Variants in ADCY8 observed in about 807,000 individuals in gnomAD.
ADCY8 encodes the protein adenylate cyclase type 8.
ADCY8 carries 51 observed loss-of-function variants against 119.7 expected under a neutral mutation model. That is an observed-to-expected ratio of 0.43 (90% CI 0.34 to 0.54). ADCY8 has a LOEUF of 0.54. ADCY8 is among the 20% of genes least tolerant of loss of function. The pLI, the probability that ADCY8 is intolerant of heterozygous loss-of-function variation, is 0.03. For missense variants in ADCY8, 1,383 were observed against 1,598.8 expected (o/e 0.87, Z 2.30); for synonymous variants, 665 against 651.0 (o/e 1.02, Z -0.33).
intron 14 of ADCY8, among the ~76,000 whole-genome samples, chr8:130,808,464 A>G (rs1816052987): frequency 1.3e-5 from 2 of 152,252 alleles, no homozygotes; most frequent in African/African-American, 4.8e-5. Context: ...TAACGCATGT[A>G]AATGTAATGA....
intron 1 of ADCY8, among the ~76,000 whole-genome samples, chr8:131,032,039 T>C (rs1351936006): frequency 6.6e-6 from 1 of 152,224 alleles, no homozygotes; most frequent in East Asian, 1.9e-4. Flanking sequence ...TCCAGTCAAC[T>C]GAAAAATCAG....
intron 11 of ADCY8, among the ~76,000 whole-genome samples, chr8:130,837,041 C>A (rs1044320895): frequency 6.6e-6 from 1 of 152,106 alleles, no homozygotes; most frequent in Non-Finnish European, 1.5e-5. Context: ...GCTGATTCTT[C>A]TTTAATAGAT....
At chr8:130,979,505 C>T (rs558935878) in intron 2 of ADCY8, among the ~76,000 whole-genome samples, 7 of 152,192 alleles carry the variant, frequency 4.6e-5, no homozygotes, top group South Asian at 2.1e-4. Context: ...GCTAAAGGAG[C>T]GTGCCCATGT....
At chr8:130,934,270 C>T (rs184608266) in intron 5 of ADCY8, among the ~76,000 whole-genome samples, 5 of 152,244 alleles carry the variant, frequency 3.3e-5, no homozygotes, top group Admixed American at 6.5e-5. Context: ...AGTAGTTCCA[C>T]GGGCTGTACA....
chr8:130,924,014 A>T (rs555429206), intron 5 of ADCY8, among the ~76,000 whole-genome samples: 2 of 152,336 alleles, frequency 1.3e-5, no homozygotes, highest in South Asian at 4.1e-4. Flanking sequence ...GATCTCCTAA[A>T]CTATATGTTG....
chr8:130,788,976 A>G (rs1815341921), intron 15 of ADCY8, among the ~76,000 whole-genome samples: 1 of 152,168 alleles, frequency 6.6e-6, no homozygotes, highest in Non-Finnish European at 1.5e-5. Context: ...ATGCAGAGTA[A>G]CCTATTGTAA....
intron 7 of ADCY8, among the ~76,000 whole-genome samples, chr8:130,894,532 C>T (rs1819316907): frequency 6.6e-6 from 1 of 152,118 alleles, no homozygotes; most frequent in African/African-American, 2.4e-5. Context: ...ATAAAAGTCA[C>T]ACAGTGGGAA....
At chr8:130,927,676 T>C (rs1054010831) in intron 5 of ADCY8, among the ~76,000 whole-genome samples, 11 of 151,402 alleles carry the variant, frequency 7.3e-5, no homozygotes, top group Non-Finnish European at 1.6e-4. Context: ...ACTAAATTTG[T>C]TTAATTCTAA....
intron 1 of ADCY8, among the ~76,000 whole-genome samples, chr8:131,036,657 C>T (rs1824165027): frequency 6.6e-6 from 1 of 152,028 alleles, no homozygotes; most frequent in Non-Finnish European, 1.5e-5. Flanking sequence ...GAAAATGAAA[C>T]AAGTCGTTTA....
intron 7 of ADCY8, among the ~76,000 whole-genome samples, chr8:130,886,703 G>A (rs545594642): frequency 1.4e-4 from 21 of 152,240 alleles, no homozygotes; most frequent in African/African-American, 4.6e-4. Flanking sequence ...CTAACAGCTG[G>A]AGAGGAAATC....
At chr8:130,899,701 A>T (rs1350569818) in intron 7 of ADCY8, among the ~76,000 whole-genome samples, 1 of 152,236 alleles carries the variant, frequency 6.6e-6, no homozygotes, top group South Asian at 2.1e-4. Flanking sequence ...ACACTTGAGT[A>T]TCTGTTAAAT....
intron 7 of ADCY8, chr8:130,892,573 AT>A (rs377731622): frequency 1.4e-4 from 21 of 152,244 alleles, no homozygotes; most frequent in African/African-American, 5.1e-4. Flanking sequence ...CAGTTTAATC[AT>A]TTGGGGGTTT....
chr8:130,908,710 G>T (rs1819870988), intron 6 of ADCY8, among the ~76,000 whole-genome samples: 1 of 152,152 alleles, frequency 6.6e-6, no homozygotes. Flanking sequence ...ACTGGCCTGA[G>T]ATCACACAGG....
Position 130,881,395 on chromosome 8 carries a change from G to A in ADCY8, c.2109+3169C>T, listed in dbSNP as rs1046405272. 1.1e-4 allele frequency among the ~76,000 whole-genome samples: 16 copies of A among 152,228 alleles called. No homozygotes were observed. The East Asian group carries it at 1.4e-3, about 13-fold the overall frequency. On this transcript the variant is annotated intron_variant, in intron 8 of 17. Transcript: ENST00000286355. ...ATTTCGATGGAGCTTTGTTCATTTCGGTGTTTGAACATTTCAGTGTTTTCA... is the reference window on the plus strand; with the variant it reads ...ATTTCGATGGAGCTTTGTTCATTTCAGTGTTTGAACATTTCAGTGTTTTCA...
At chr8:130,904,109 C>T in intron 6 of ADCY8, 67 bp from the exon 7 acceptor site, 1 of 1,500,940 alleles carries the variant, frequency 6.7e-7, no homozygotes, top group South Asian at 1.3e-5. Context: ...ATTTTTTTGA[C>T]CTGTACAAAA....
chr8:131,011,758 G>A (rs1203772025), intron 1 of ADCY8, among the ~76,000 whole-genome samples: 3 of 152,082 alleles, frequency 2.0e-5, no homozygotes, highest in Non-Finnish European at 2.9e-5. Flanking sequence ...GCAAGAATTG[G>A]CATAAAACCG....
chr8:130,996,163 A>G (rs916802026), intron 1 of ADCY8, among the ~76,000 whole-genome samples: 11 of 152,162 alleles, frequency 7.2e-5, no homozygotes, highest in African/African-American at 2.7e-4. Flanking sequence ...AAAAAAGTAC[A>G]TGACTTTACA....
At chr8:130,895,840 T>C (rs1026999843) in intron 7 of ADCY8, among the ~76,000 whole-genome samples, 1 of 152,180 alleles carries the variant, frequency 6.6e-6, no homozygotes, top group African/African-American at 2.4e-5. Flanking sequence ...CATATTTATA[T>C]TGAATATGGA....
chr8:131,039,758 G>T lies in ADCY8; in HGVS notation c.576C>A (p.Thr192=). Residue 192 remains threonine, a synonymous_variant, in exon 1 of 18, where the codon ACC becomes ACA. Transcript: ENST00000286355. ...AGTGTAGGACCAAGAGAGTGAGTTT[G>T]GTCAGCACGTCCAGCACGTTCATCA... ...EVVMNVLDVL[T]KLTLLVLHLS... 1 of 1,614,138 alleles carries T rather than the reference G, an allele frequency of 6.2e-7. No individual in the cohort carries two copies. The highest frequency in any genetic ancestry group is 1.6e-4 in the Middle Eastern group (1 of 6,062).
Sources: allele counts gnomAD v4.1 joint callset (sites outside exome capture counted in the v4.1 genomes callset), GRCh38; gene constraint gnomAD v4.1.1; transcripts MANE v1.5; gene names NCBI Gene and HGNC (gene_info 2026-07-23, HGNC 2026-07-21).